NEGR1: variants seen among roughly 807,000 people sequenced by gnomAD.
NEGR1 encodes the protein IgLON family member 4.
In NEGR1, 10 loss-of-function variants were observed where a neutral mutation model predicts 40.9. The ratio of observed to expected loss-of-function variants is 0.24; its 90% CI spans 0.15 to 0.42. The LOEUF is 0.42. Ranked by LOEUF, NEGR1 falls within the 10% of genes least tolerant of loss-of-function variation. The pLI, the probability that NEGR1 is intolerant of heterozygous loss-of-function variation, is 1.00. For missense variants in NEGR1, 352 were observed against 438.9 expected, an observed-to-expected ratio of 0.80 and a Z score of 1.77; for synonymous variants, 185 against 166.8, an observed-to-expected ratio of 1.11 and a Z score of -0.84.
At chr1:71,627,608 A>G (rs1368987272) in intron 4 of NEGR1, among the ~76,000 whole-genome samples, 1 of 152,062 alleles carries the variant, frequency 6.6e-6, no homozygotes, top group Non-Finnish European at 1.5e-5. Flanking sequence ...TTTAATGCCC[A>G]TTAGTCAAAG....
intron 6 of NEGR1, among the ~76,000 whole-genome samples, chr1:71,580,062 A>G (rs976819110): frequency 9.2e-5 from 14 of 152,040 alleles, no homozygotes. Context: ...CAACCCAAAT[A>G]TCCAACAATG....
At chr1:71,783,240 A>G (rs920593597) in intron 2 of NEGR1, among the ~76,000 whole-genome samples, 1 of 152,148 alleles carries the variant, frequency 6.6e-6, no homozygotes, top group South Asian at 2.1e-4. Flanking sequence ...CAATATCAAA[A>G]GAACATCCTT....
At chr1:72,168,639 C>T (rs1260876514) in intron 1 of NEGR1, among the ~76,000 whole-genome samples, 2 of 152,160 alleles carry the variant, frequency 1.3e-5, no homozygotes, top group African/African-American at 4.8e-5. Context: ...TCTGTAATCC[C>T]AGCACTTTGG....
At chr1:71,722,279 C>T (rs1051263782) in intron 3 of NEGR1, among the ~76,000 whole-genome samples, 4 of 152,036 alleles carry the variant, frequency 2.6e-5, no homozygotes. Context: ...CATAGACCAC[C>T]TCCTCCGTTT....
At chr1:71,767,337 G>T (rs1485491147) in intron 3 of NEGR1, among the ~76,000 whole-genome samples, 3 of 152,138 alleles carry the variant, frequency 2.0e-5, no homozygotes, top group Non-Finnish European at 4.4e-5. Flanking sequence ...CTAGAGTAAA[G>T]GTCACTTTTG....
rs1395378616 is a variant in NEGR1, at chr1:71,407,172, A to G, written c.*274T>C. On this transcript the variant is annotated 3_prime_UTR_variant, in exon 7 of 7. Transcript: ENST00000357731. ...TGCTTTTGAAAAGTTGTAGATTACA[A>G]ACATGAAATCACAATTAATATCCTC... is the stretch of plus-strand genomic sequence containing the variant. 5 of 241,116 alleles carry G rather than the reference A, an allele frequency of 2.1e-5. No individual in the cohort carries two copies. The highest frequency in any genetic ancestry group is 3.2e-5 in the Non-Finnish European group (4 of 124,410). 14.9% of individuals were successfully genotyped at this position (241,116 alleles called of 1,614,324 possible).
chr1:71,442,705 T>G (rs943304265), intron 6 of NEGR1, among the ~76,000 whole-genome samples: 1 of 152,210 alleles, frequency 6.6e-6, no homozygotes, highest in Non-Finnish European at 1.5e-5. Context: ...TTTTTTAAAG[T>G]GCAGGGAAAC....
intron 2 of NEGR1, among the ~76,000 whole-genome samples, chr1:71,815,887 C>G (rs963465566): frequency 1.3e-5 from 2 of 152,026 alleles, no homozygotes; most frequent in South Asian, 4.1e-4. Context: ...TAAACTGGAT[C>G]ATGGTTGAAG....
chr1:71,754,954 T>C (rs1393156311), intron 3 of NEGR1, among the ~76,000 whole-genome samples: 1 of 152,174 alleles, frequency 6.6e-6, no homozygotes, highest in African/African-American at 2.4e-5. Context: ...CTCTGCCTGC[T>C]TGGGACAGAT....
At chr1:71,808,936 T>C (rs1451613069) in intron 2 of NEGR1, among the ~76,000 whole-genome samples, 1 of 152,152 alleles carries the variant, frequency 6.6e-6, no homozygotes, top group African/African-American at 2.4e-5. Flanking sequence ...TGCCAATTCA[T>C]CACTGGCTAG....
chr1:72,188,836 T>G (rs146252868), intron 1 of NEGR1, among the ~76,000 whole-genome samples: 3 of 151,638 alleles, frequency 2.0e-5, no homozygotes, highest in African/African-American at 7.2e-5. Context: ...GGCCATCAAG[T>G]TAGGAAGGTC....
intron 4 of NEGR1, among the ~76,000 whole-genome samples, chr1:71,683,058 A>G (rs138947062): frequency 7.6e-4 from 116 of 152,238 alleles, no homozygotes; most frequent in African/African-American, 2.4e-3. Context: ...GGATTCCTTT[A>G]TAGAAACTCA....
intron 2 of NEGR1, among the ~76,000 whole-genome samples, chr1:71,845,487 C>T (rs537409055): frequency 2.0e-5 from 3 of 152,186 alleles, no homozygotes; most frequent in Non-Finnish European, 4.4e-5. Context: ...AATTTCTTCA[C>T]CAAGTATCAC....
chr1:71,772,360 C>T (rs1054768529), intron 3 of NEGR1, among the ~76,000 whole-genome samples: 2 of 151,986 alleles, frequency 1.3e-5, no homozygotes, highest in East Asian at 3.9e-4. Flanking sequence ...GCCAAGATCA[C>T]ACCACTGCAC....
intron 6 of NEGR1, among the ~76,000 whole-genome samples, chr1:71,447,440 C>T (rs757717068): frequency 5.7e-4 from 87 of 152,170 alleles, no homozygotes; most frequent in Non-Finnish European, 1.1e-3. Context: ...CTCTTAGTCC[C>T]ATATGATGCT....
intron 1 of NEGR1, among the ~76,000 whole-genome samples, chr1:72,106,957 G>T (rs1215952556): frequency 1.3e-5 from 2 of 151,748 alleles, no homozygotes; most frequent in Non-Finnish European, 2.9e-5. Context: ...ACAAATCCAA[G>T]AAAATTTAGA....
At chr1:71,677,993 G>T (rs377418364) in intron 4 of NEGR1, among the ~76,000 whole-genome samples, 167 of 152,202 alleles carry the variant, frequency 1.1e-3, no homozygotes, top group African/African-American at 3.7e-3. Flanking sequence ...CTCAAAATTT[G>T]TGTCCTGAGA....
intron 1 of NEGR1, among the ~76,000 whole-genome samples, chr1:72,026,244 GAA>G (rs1202408307): frequency 1.3e-5 from 2 of 151,068 alleles, no homozygotes; most frequent in African/African-American, 2.4e-5. Flanking sequence ...GTTAAAAATG[GAA>G]AGATAGGGAA....
intron 1 of NEGR1, among the ~76,000 whole-genome samples, chr1:72,263,756 T>G (rs1655546435): frequency 6.7e-6 from 1 of 149,790 alleles, no homozygotes; most frequent in Admixed American, 6.6e-5. Context: ...ACAAAAAAAC[T>G]CTCTCTTACC....
Sources: allele counts gnomAD v4.1 joint callset (sites outside exome capture counted in the v4.1 genomes callset), GRCh38; gene constraint gnomAD v4.1.1; transcripts MANE v1.5; gene names NCBI Gene and HGNC (gene_info 2026-07-23, HGNC 2026-07-21).